Variants in NXNL2 observed in about 807,000 individuals in gnomAD.
The protein encoded by NXNL2 is nucleoredoxin-like protein 2.
Under a neutral mutation model 11.1 loss-of-function variants are expected in NXNL2, and 7 were observed. The observed-to-expected ratio is 0.63, with a 90% CI of 0.36 to 1.18. The LOEUF (loss-of-function observed/expected upper bound fraction) is 1.18, where lower values mean the gene tolerates loss of function less well. Among genes scored for constraint, NXNL2 ranks in the 50% most tolerant of loss-of-function variants. NXNL2 has a pLI of 0.02. For synonymous variants in NXNL2, 109 were observed against 101.8 expected (o/e 1.07, Z -0.42); for missense variants, 233 against 217.7 (o/e 1.07, Z -0.44).
intron 1 of NXNL2, 104 bp downstream of exon 1, chr9:88,535,840 C>A (rs550623418): frequency 7.0e-6 from 6 of 856,692 alleles, no homozygotes; most frequent in African/African-American, 6.9e-5. Context: ...CGCCCCCCCC[C>A]AACACCTCCC....
At chr9:88,556,889 A>T (rs917115402) in intron 1 of NXNL2, among the ~76,000 whole-genome samples, 7 of 152,036 alleles carry the variant, frequency 4.6e-5, no homozygotes, top group African/African-American at 1.7e-4. Flanking sequence ...CATCCTGGCT[A>T]ACACGGTGAA....
intron 1 of NXNL2, among the ~76,000 whole-genome samples, chr9:88,581,143 C>T (rs1830404641): frequency 6.6e-6 from 1 of 152,166 alleles, no homozygotes; most frequent in Non-Finnish European, 1.5e-5. Flanking sequence ...TATCTCCATA[C>T]CGGCCTTTTC....
chr9:88,535,854 C>T, intron 1 of NXNL2, 118 bp downstream of exon 1: 3 of 777,966 alleles, frequency 3.9e-6, no homozygotes, highest in Non-Finnish European at 6.0e-6. Flanking sequence ...ACCTCCCCGT[C>T]TCTCGGTTCA....
chr9:88,559,322 G>T (rs117320934), intron 1 of NXNL2, among the ~76,000 whole-genome samples: 1 of 152,128 alleles, frequency 6.6e-6, no homozygotes, highest in African/African-American at 2.4e-5. Context: ...GCTCTCTGGA[G>T]GCTGAAAGCT....
Position 88,544,960 on chromosome 9 carries a change from G to A in NXNL2, c.*413G>A, listed in dbSNP as rs1200340461. On this transcript the variant is annotated 3_prime_UTR_variant, in exon 2 of 2. Transcript: ENST00000375854. ...ACAACTATCTTAATAAAGTTTGCAA[G>A]CTGTGTACTTTAATAAACAAGTCTA... 1 of 935,240 alleles carries A rather than the reference G, an allele frequency of 1.1e-6. No individual in the cohort carries two copies. The highest frequency in any genetic ancestry group is 1.8e-5 in the African/African-American group (1 of 56,094). 57.9% of individuals were successfully genotyped at this position (935,240 alleles called of 1,614,324 possible).
At position 88,535,239 on chromosome 9, in the gene NXNL2, G is replaced by C; in HGVS notation, c.-196G>C. The C allele has an allele frequency of 3.5e-6, 2 of 570,400 alleles. No individual in the cohort carries two copies. Among genetic ancestry groups the C allele is most frequent in the Non-Finnish European group, 6.1e-6 (2 of 328,916 alleles). The allele number at this position is 570,400 out of a possible 1,614,324, so 35.3% of individuals were successfully genotyped here. A position where few individuals can be genotyped will look rare whatever the true frequency, so the allele number is the denominator to read the frequency against. On this transcript the variant is annotated 5_prime_UTR_variant, in exon 1 of 2. Coordinates refer to ENST00000375854, the MANE Select transcript of NXNL2 (RefSeq NM_001161625.2). ...GTCTCTGGTGTCTGAGTGTCTCATT[G>C]TCGGCGCGAACACAATTGCTCCAGC...
chr9:88,571,478 A>T (rs924341401), intron 2 of NXNL2, among the ~76,000 whole-genome samples: 1 of 152,108 alleles, frequency 6.6e-6, no homozygotes, highest in Admixed American at 6.6e-5. Flanking sequence ...AATCTTAAAT[A>T]CCTTATTAAT....
chr9:88,583,928 T>C (rs9411013), intron 1 of NXNL2: 43,303 of 152,096 alleles, frequency 0.28, 9,489 homozygotes, highest in East Asian at 0.89. Flanking sequence ...TGGACTTCCC[T>C]ACCTCTAGAA....
At chr9:88,537,019 C>G (rs1009116953) in intron 1 of NXNL2, among the ~76,000 whole-genome samples, 1 of 152,206 alleles carries the variant, frequency 6.6e-6, no homozygotes, top group East Asian at 1.9e-4. Flanking sequence ...AAGCGAGAGA[C>G]GATGGCAGTA....
Position 88,535,423 on chromosome 9 carries a change from C to G in NXNL2, c.-12C>G. On this transcript the variant is annotated 5_prime_UTR_variant, in exon 1 of 2. Transcript: ENST00000375854. Reference sequence around the variant, plus strand: ...GGTGTCCTCGGGTCTCAGGTGGCTGCGTGTCTGCGCCATGGTTGACATTCT... The same window carrying G: ...GGTGTCCTCGGGTCTCAGGTGGCTGGGTGTCTGCGCCATGGTTGACATTCT... 6.3e-7 allele frequency: 1 copy of G among 1,582,634 alleles called. No homozygotes were observed. The highest frequency in any genetic ancestry group is 8.6e-7 in the Non-Finnish European group (1 of 1,167,480).
chr9:88,548,339 CAAAAAAAAAAAAAAAAAAAAAAAAA>C (rs60796870), downstream of NXNL2, among the ~76,000 whole-genome samples: 12 of 31,068 alleles, frequency 3.9e-4, no homozygotes, highest in East Asian at 1.6e-3. Flanking sequence ...GACTTTTTCT[CAAAAAAAAAAAAAAAAAAAAAAAAA>C]AAAAAAAAAA....
chr9:88,573,842 A>G (rs1830310178), intron 2 of NXNL2, among the ~76,000 whole-genome samples: 2 of 152,240 alleles, frequency 1.3e-5, no homozygotes, highest in Non-Finnish European at 2.9e-5. Context: ...CAAAGAAAAT[A>G]CACAAGTGGT....
At chr9:88,546,624 A>G (rs570800737), downstream of NXNL2, among the ~76,000 whole-genome samples, 1 of 152,040 alleles carries the variant, frequency 6.6e-6, no homozygotes, top group Non-Finnish European at 1.5e-5. Flanking sequence ...CATGTTGGCC[A>G]GGCTGGTCTC....
chr9:88,535,832 C>CG, intron 1 of NXNL2, 96 bp downstream of exon 1: 12 of 837,124 alleles, frequency 1.4e-5, no homozygotes, highest in Non-Finnish European at 2.0e-5. Flanking sequence ...CTTTATGACG[C>CG]CCCCCCCCAA....
intron 1 of NXNL2, among the ~76,000 whole-genome samples, chr9:88,543,997 C>T (rs1366224300): frequency 6.6e-6 from 1 of 152,166 alleles, no homozygotes; most frequent in African/African-American, 2.4e-5. Context: ...TGGTGAAACC[C>T]CATCTCTACT....
intron 1 of NXNL2, among the ~76,000 whole-genome samples, chr9:88,564,995 A>C (rs1469619690): frequency 6.6e-6 from 1 of 152,132 alleles, no homozygotes; most frequent in African/African-American, 2.4e-5. Flanking sequence ...GAAACTTCAT[A>C]TCCATTGAGT....
Position 88,544,406 on chromosome 9 carries a change from A to G in NXNL2, c.330A>G (p.Thr110=), listed in dbSNP as rs932406446. 11 of 1,551,806 alleles carry G rather than the reference A, an allele frequency of 7.1e-6. No individual in the cohort carries two copies. The Admixed American group carries it at 9.8e-5, about 14-fold the overall frequency. The change falls in exon 2 of 2, where the codon ACA becomes ACG. Residue 110 remains threonine, a synonymous_variant. Coordinates refer to ENST00000375854, the MANE Select transcript of NXNL2 (RefSeq NM_001161625.2). ...RHELRKRYNV[T]AIPKLVIVKQ... is the part of the protein sequence containing the mutation. ...AGCTGAGGAAGAGGTACAACGTCACAGCCATCCCCAAGCTTGTGATTGTGA... is the reference window on the plus strand; with the variant it reads ...AGCTGAGGAAGAGGTACAACGTCACGGCCATCCCCAAGCTTGTGATTGTGA...
At position 88,535,272 on chromosome 9, in the gene NXNL2, G is replaced by A. The variant is rs1343604904; in HGVS notation, c.-163G>A. 2.2e-5 allele frequency: 14 copies of A among 629,378 alleles called. No homozygotes were observed. The highest frequency in any genetic ancestry group is 9.6e-5 in the Admixed American group (3 of 31,340). 39.0% of individuals were successfully genotyped at this position (629,378 alleles called of 1,614,324 possible). On this transcript the variant is annotated 5_prime_UTR_variant, in exon 1 of 2. Transcript: ENST00000375854. ...GAACACAATTGCTCCAGCCACAGGCGAGGCCTGGCCAAGGTGTGGGCGCAT... is the reference window on the plus strand; with the variant it reads ...GAACACAATTGCTCCAGCCACAGGCAAGGCCTGGCCAAGGTGTGGGCGCAT...
intron 1 of NXNL2, among the ~76,000 whole-genome samples, chr9:88,543,152 A>G (rs1172527800): frequency 6.6e-6 from 1 of 152,230 alleles, no homozygotes; most frequent in Non-Finnish European, 1.5e-5. Flanking sequence ...AATGTAAATG[A>G]TGTAAAATGA....
Sources: gnomAD v4.1 joint callset for allele counts (sites outside exome capture counted in the v4.1 genomes callset) on GRCh38, gnomAD v4.1.1 for gene constraint, MANE v1.5 for transcripts, NCBI Gene and HGNC (gene_info 2026-07-23, HGNC 2026-07-21) for gene names.